Variants in CA12 observed in about 807,000 individuals in gnomAD.
The protein encoded by CA12 is carbonic anhydrase 12, also known as carbonate dehydratase XII.
CA12 carries 36 observed loss-of-function variants against 46.8 expected under a neutral mutation model. That is an observed-to-expected ratio of 0.77 (90% CI 0.59 to 1.02). The LOEUF is 1.02. Among genes scored for constraint, CA12 ranks in the 50% least tolerant of loss-of-function variants. CA12 has a pLI of 0.00. For missense variants in CA12, 436 were observed against 451.4 expected (o/e 0.97, Z 0.31); for synonymous variants, 202 against 187.0 (o/e 1.08, Z -0.65).
In CA12 at chr15:63,381,689, A is replaced by G. The variant is rs768514347; in HGVS notation, c.32T>C (p.Val11Ala). Residue 11 changes from valine (V) to alanine (A), a missense_variant, in exon 1 of 11, where the codon GTG becomes GCG. Transcript: ENST00000178638. MPRRSLHAAA[V>A]LLLVILKEQP... ...TTCCTTTAAGATCACCAGCAGGAGC[A>G]CGGCCGCCGCGTGCAGGCTGCGCCG... is the stretch of plus-strand genomic sequence containing the variant. 9 of 1,608,738 alleles carry G rather than the reference A, an allele frequency of 5.6e-6. No homozygotes were observed. The highest frequency in any genetic ancestry group is 6.8e-6 in the Non-Finnish European group (8 of 1,177,726).
Position 63,327,866 on chromosome 15 carries a change from GT to G in CA12, c.907+231del, listed in dbSNP as rs1285545953. Among the ~76,000 whole-genome samples the G allele has an allele frequency of 1.3e-5, 2 of 152,184 alleles. No homozygotes were observed. The highest frequency in any genetic ancestry group is 6.5e-5 in the Admixed American group (1 of 15,284). On this transcript the variant is annotated intron_variant, in intron 9 of 10. Transcript: ENST00000178638. The surrounding 1 kb of genome is among the most constrained non-coding windows in gnomAD (Gnocchi z 4.5). ...ATGACCAAAAGAAAGTCTTAGATAG[GT>G]TCTTTGAATACACACATGCTGTAGA...
At chr15:63,336,008 A>C (rs2038999108) in intron 8 of CA12, among the ~76,000 whole-genome samples, 2 of 152,204 alleles carry the variant, frequency 1.3e-5, no homozygotes, top group South Asian at 4.1e-4. Flanking sequence ...AATTCTGGCC[A>C]AGCTTCTATA....
In CA12 at chr15:63,325,878, CATTCTTGTCTGA is replaced by C; in HGVS notation, c.*395_*406del. ...AAGCAAAACCTAAGCAGAGAGTGCA[CATTCTTGTCTGA>C]AAGCTTGGAGAAGCAGCAGAATTTC... On this transcript the variant is annotated 3_prime_UTR_variant, in exon 11 of 11. Coordinates refer to ENST00000178638, the MANE Select transcript of CA12 (RefSeq NM_001218.5). The surrounding 1 kb of genome is among the most constrained non-coding windows in gnomAD (Gnocchi z 4.9). 3 of 260,966 alleles carry C rather than the reference CATTCTTGTCTGA, an allele frequency of 1.1e-5. No individual in the cohort carries two copies. Among genetic ancestry groups the C allele is most frequent in the South Asian group, 9.4e-5 (2 of 21,190 alleles). 16.2% of individuals were successfully genotyped at this position (260,966 alleles called of 1,614,324 possible).
At position 63,370,857 on chromosome 15, in the gene CA12, T is replaced by C. The variant is rs557530320; in HGVS notation, c.106+4801A>G. 3.3e-5 allele frequency among the ~76,000 whole-genome samples: 5 copies of C among 152,232 alleles called. No homozygotes were observed. In the South Asian group the frequency reaches 1.0e-3, roughly 32 times the overall value. ...GAGAGTACTTTGTGCCCCTTATTCA[T>C]CCTCAGGATGGCAGCTGGGAGTCGC... On this transcript the variant is annotated intron_variant, in intron 2 of 10. Transcript: ENST00000178638.
chr15:63,352,917 G>A (rs748716486), intron 2 of CA12, among the ~76,000 whole-genome samples: 2 of 152,092 alleles, frequency 1.3e-5, no homozygotes, highest in Non-Finnish European at 2.9e-5. Context: ...AATAAAAAAC[G>A]AGTACTCAAA....
chr15:63,381,011 CTG>C (rs66492957), intron 1 of CA12, among the ~76,000 whole-genome samples: 118,645 of 148,238 alleles, frequency 0.8, 47,578 homozygotes, highest in Admixed American at 0.84. Context: ...CAGAAATATG[CTG>C]TGTGTGTGTG....
chr15:63,338,338 G>A (rs1044490624), intron 8 of CA12, among the ~76,000 whole-genome samples: 4 of 152,210 alleles, frequency 2.6e-5, no homozygotes, highest in African/African-American at 4.8e-5. Context: ...TACACTCACT[G>A]TTTTACATCT....
In CA12 at chr15:63,326,348, T is replaced by G; in HGVS notation, c.1002A>C (p.Lys334Asn). The G allele has an allele frequency of 6.2e-7, 1 of 1,609,828 alleles. No homozygotes were observed. The highest frequency in any genetic ancestry group is 8.5e-7 in the Non-Finnish European group (1 of 1,176,380). The change falls in exon 11 of 11, where the codon AAA becomes AAC. Residue 334 changes from lysine to asparagine, a missense_variant. Transcript: ENST00000178638. Reference protein sequence around the residue: ...IWLFRRKSIKKGDNKGVIYKP... With the variant: ...IWLFRRKSIKNGDNKGVIYKP... The stretch of plus-strand genomic sequence containing the variant: ...TGTAAATGACTCCCTTGTTATCACC[T>G]TTTTTGATACTAGAACAGAAAGAAC...
chr15:63,368,950 G>T lies in CA12; in HGVS notation c.106+6708C>A, dbSNP rs1242348651. On this transcript the variant is annotated intron_variant, in intron 2 of 10. Transcript: ENST00000178638. ...CCCATGGGCTAGACAGGGAACCAGA[G>T]AATTTGCCTATTTGCCTGCTCTCTG... Among the ~76,000 whole-genome samples the T allele has an allele frequency of 8.1e-5, 10 of 123,506 alleles. No individual in the cohort carries two copies. In the Admixed American group the frequency reaches 8.7e-4, roughly 11 times the overall value. 81.0% of individuals were successfully genotyped at this position (123,506 alleles called of 152,430 possible). A position where few individuals can be genotyped will look rare whatever the true frequency, so the allele number is the denominator to read the frequency against.
At chr15:63,359,511 G>T (rs548025749) in intron 2 of CA12, among the ~76,000 whole-genome samples, 61 of 151,516 alleles carry the variant, frequency 4.0e-4, no homozygotes, top group Non-Finnish European at 6.6e-4. Flanking sequence ...CCATATATAT[G>T]TACACACACA....
At chr15:63,369,188 C>G (rs768231751) in intron 2 of CA12, among the ~76,000 whole-genome samples, 2 of 152,168 alleles carry the variant, frequency 1.3e-5, no homozygotes, top group Non-Finnish European at 2.9e-5. Context: ...AAGGAAATAC[C>G]CTTTGTTTAT....
In CA12 at chr15:63,341,042, T is replaced by C. The variant is rs1302332719; in HGVS notation, c.526-259A>G. ...CTGGGGCATAGGGTACCGTGTGTGC[T>C]CTTGATGATCCAGATATGAGCCTGA... On this transcript the variant is annotated intron_variant, in intron 5 of 10. Transcript: ENST00000178638. This position sits in a 1 kb window ranked among gnomAD's most constrained non-coding sequence, Gnocchi z 5.2. Among the ~76,000 whole-genome samples, 4 of 152,138 alleles carry C rather than the reference T, an allele frequency of 2.6e-5. No individual in the cohort carries two copies.
chr15:63,369,920 G>A (rs1006511247), intron 2 of CA12, among the ~76,000 whole-genome samples: 2 of 152,098 alleles, frequency 1.3e-5, no homozygotes, highest in Non-Finnish European at 2.9e-5. Flanking sequence ...CAAAAATGTA[G>A]GCATTTTGGC....
intron 2 of CA12, among the ~76,000 whole-genome samples, chr15:63,371,537 A>G (rs2039507060): frequency 6.6e-6 from 1 of 152,162 alleles, no homozygotes; most frequent in African/African-American, 2.4e-5. Flanking sequence ...AACAGGATGG[A>G]GGGGCTGGCC....
chr15:63,330,117 C>T lies in CA12; in HGVS notation c.875-1987G>A, dbSNP rs2038917514. On this transcript the variant is annotated intron_variant, in intron 8 of 10. Coordinates refer to ENST00000178638, the MANE Select transcript of CA12 (RefSeq NM_001218.5). The surrounding 1 kb of genome is among the most constrained non-coding windows in gnomAD (Gnocchi z 4.0). ...CATGACCTCCCAAGTGGCAGAGTGG[C>T]TCCACTGGCCAGACTCCCTGCCCCA... Among the ~76,000 whole-genome samples, 1 of 152,362 alleles carries T rather than the reference C, an allele frequency of 6.6e-6. No homozygotes were observed. The highest frequency in any genetic ancestry group is 2.4e-5 in the African/African-American group (1 of 41,592).
At chr15:63,333,780 C>G (rs1375771451) in intron 8 of CA12, among the ~76,000 whole-genome samples, 1 of 152,150 alleles carries the variant, frequency 6.6e-6, no homozygotes, top group Admixed American at 6.5e-5. Flanking sequence ...TTTGCCCTTG[C>G]GGTTTGCTGC....
At chr15:63,360,719 C>T (rs1411109481) in intron 2 of CA12, among the ~76,000 whole-genome samples, 1 of 152,228 alleles carries the variant, frequency 6.6e-6, no homozygotes, top group African/African-American at 2.4e-5. Flanking sequence ...CCAGAATTAG[C>T]TCCTCAGGCA....
rs1489644091 is a variant in CA12 at position 63,328,527 on chromosome 15, G to A, written c.875-397C>T. 1.3e-5 allele frequency among the ~76,000 whole-genome samples: 2 copies of A among 152,012 alleles called. No homozygotes were observed. The highest frequency in any genetic ancestry group is 2.9e-5 in the Non-Finnish European group (2 of 68,002). ...ATTTTTGGATTTTTAGTAGAGACAG[G>A]GTTTCACCATCTTGGCCAGGCTGGT... is the stretch of plus-strand genomic sequence containing the variant. On this transcript the variant is annotated intron_variant, in intron 8 of 10. Transcript: ENST00000178638. The surrounding 1 kb of genome is among the most constrained non-coding windows in gnomAD (Gnocchi z 5.9).
At chr15:63,342,216 C>G in intron 4 of CA12, 119 bp from the exon 5 acceptor site, 1 of 723,134 alleles carries the variant, frequency 1.4e-6, no homozygotes, top group South Asian at 1.5e-5. Flanking sequence ...GCCCCCCAGA[C>G]TAGGTTAGGT....
Sources: gnomAD v4.1 joint callset for allele counts (sites outside exome capture counted in the v4.1 genomes callset) on GRCh38, gnomAD v4.1.1 for gene constraint, Gnocchi (gnomAD v3.1) non-coding constraint, MANE v1.5 for transcripts, NCBI Gene and HGNC (gene_info 2026-07-23, HGNC 2026-07-21) for gene names.